EHBP1L1: variants seen among roughly 807,000 people sequenced by gnomAD.
EHBP1L1 encodes the protein EH domain-binding protein 1-like protein 1.
A neutral mutation model predicts 151.1 loss-of-function variants in EHBP1L1; 122 were observed. That is an observed-to-expected ratio of 0.81 (90% CI 0.70 to 0.94). The LOEUF is 0.94. Ranked by LOEUF, EHBP1L1 falls within the 40% of genes least tolerant of loss-of-function variation. EHBP1L1 has a pLI of 0.00. For synonymous variants in EHBP1L1, 878 were observed against 810.1 expected, an observed-to-expected ratio of 1.08 and a Z score of -1.42; for missense variants, 1,941 against 1,959.8, an observed-to-expected ratio of 0.99 and a Z score of 0.18.
chr11:65,590,541 T>C lies in EHBP1L1; in HGVS notation c.4232T>C (p.Leu1411Pro). ...EEVLIQEWFT[L>P]VNKKNALIRR... ...GTGCTGATCCAGGAGTGGTTCACCC[T>C]GGTCAACAAGAAGAACGCTCTCATC... The change falls in exon 16 of 19, where the codon CTG (leucine) becomes CCG (proline). Residue 1411 changes from leucine (L) to proline (P), a missense_variant. Transcript: ENST00000309295. The C allele has an allele frequency of 6.2e-7, 1 of 1,613,688 alleles. No individual in the cohort carries two copies. Among genetic ancestry groups the C allele is most frequent in the South Asian group, 1.1e-5 (1 of 91,062 alleles).
In EHBP1L1 at chr11:65,579,062, C is replaced by T. The variant is rs1415493183; in HGVS notation, c.105-16C>T. On this transcript the variant is annotated splice_polypyrimidine_tract_variant and intron_variant, in intron 1 of 18. Transcript: ENST00000309295. ...GCAGCCTGCTCCCTTTCTCCCTCCCCTTCCCCCTCCCCCAGGCAGCCAGAT... is the reference window on the plus strand; with the variant it reads ...GCAGCCTGCTCCCTTTCTCCCTCCCTTTCCCCCTCCCCCAGGCAGCCAGAT... The T allele has an allele frequency of 2.5e-6, 4 of 1,572,934 alleles. No homozygotes were observed. Among genetic ancestry groups the T allele is most frequent in the Admixed American group, 3.7e-5 (2 of 54,766 alleles).
Position 65,581,941 on chromosome 11 carries a change from A to G in EHBP1L1, c.1269A>G (p.Gln423=), listed in dbSNP as rs998227406. ...CTGAAGAGAGTTCAGCAGTTTGTCA[A>G]GTGGATGCTGAGCAGAGGTCAAAGG... ...GEAEESSAVC[Q]VDAEQRSKVR... is the part of the protein sequence containing the mutation. The change falls in exon 9 of 19, where the codon CAA becomes CAG. Residue 423 remains glutamine (Q), a synonymous_variant. Coordinates refer to ENST00000309295, the MANE Select transcript of EHBP1L1 (RefSeq NM_001099409.3). 1.1e-5 allele frequency: 18 copies of G among 1,613,694 alleles called. No individual in the cohort carries two copies. The highest frequency in any genetic ancestry group is 3.3e-5 in the Admixed American group (2 of 59,988).
Position 65,581,554 on chromosome 11 carries a change from A to C in EHBP1L1, c.882A>C (p.Pro294=). 1 of 1,497,162 alleles carries C rather than the reference A, an allele frequency of 6.7e-7. No homozygotes were observed. Among genetic ancestry groups the C allele is most frequent in the Non-Finnish European group, 8.9e-7 (1 of 1,125,336 alleles). 92.7% of individuals were successfully genotyped at this position (1,497,162 alleles called of 1,614,324 possible). The stretch of plus-strand genomic sequence containing the variant: ...CTCTTCTCAGGTCTTCAAGGCAGCC[A>C]GCCCAGGACACGGCCCCCACCCCAG... The part of the protein sequence containing the change: ...TSPEMRSSRQ[P]AQDTAPTPAP... The change falls in exon 9 of 19, where the codon CCA becomes CCC. Residue 294 remains proline, a synonymous_variant. Coordinates refer to ENST00000309295, the MANE Select transcript of EHBP1L1 (RefSeq NM_001099409.3).
rs1212603365 is a variant in EHBP1L1 at position 65,585,028 on chromosome 11, G to T, written c.3370G>T (p.Val1124Leu). The T allele has an allele frequency of 6.5e-7, 1 of 1,536,924 alleles. No homozygotes were observed. The highest frequency in any genetic ancestry group is 8.7e-7 in the Non-Finnish European group (1 of 1,147,754). ...GCCCGCGGACATGGTGCTACTGTCGGTGCCCGACAAGCTCATCGTCATGAC... is the reference window on the plus strand; with the variant it reads ...GCCCGCGGACATGGTGCTACTGTCGTTGCCCGACAAGCTCATCGTCATGAC... ...LEPADMVLLS[V>L]PDKLIVMTYL... Residue 1124 changes from valine to leucine, a missense_variant, in exon 12 of 19, where the codon GTG (valine) becomes TTG (leucine). Physicochemically the swap from Val to Leu is conservative, Grantham distance 32 (BLOSUM62 1). Transcript: ENST00000309295. The surrounding 1 kb of genome is among the most constrained non-coding windows in gnomAD (Gnocchi z 4.0).
chr11:65,589,722 C>A (rs1416306139), intron 12 of EHBP1L1, 29 bp from the exon 13 acceptor site: 25 of 1,512,384 alleles, frequency 1.7e-5, no homozygotes, highest in Non-Finnish European at 2.2e-5. Flanking sequence ...GAAACCCCTC[C>A]CAGCCCTCAC....
At chr11:65,592,127 T>G (rs1565136073) in intron 18 of EHBP1L1, 37 bp downstream of exon 18, 9 of 1,610,786 alleles carry the variant, frequency 5.6e-6, no homozygotes, top group Non-Finnish European at 7.6e-6. Context: ...GTTGGGAGGG[T>G]CCGGGACTTG....
At chr11:65,579,506 C>G in intron 3 of EHBP1L1, 70 bp downstream of exon 3, 1 of 1,267,072 alleles carries the variant, frequency 7.9e-7, no homozygotes, top group East Asian at 2.7e-5. Context: ...CAACACAGGT[C>G]TCCTGGTAGG....
At chr11:65,583,942 A>T in intron 9 of EHBP1L1, 177 bp downstream of exon 9, 4 of 1,413,292 alleles carry the variant, frequency 2.8e-6, no homozygotes, top group Non-Finnish European at 3.7e-6. Context: ...CTCTTACCCC[A>T]TCTTCCCTGG....
intron 12 of EHBP1L1, among the ~76,000 whole-genome samples, chr11:65,587,096 C>T (rs551241868): frequency 2.6e-5 from 4 of 152,122 alleles, no homozygotes; most frequent in African/African-American, 7.2e-5. Context: ...AATTTGAGGC[C>T]GGGCACCGTG....
chr11:65,581,035 C>T (rs1239553709), intron 6 of EHBP1L1, 23 bp from the exon 7 acceptor site: 3 of 1,585,398 alleles, frequency 1.9e-6, no homozygotes, highest in Admixed American at 1.8e-5. Flanking sequence ...CTCTGCCCTT[C>T]TCCCCTCTCC....
rs1219801226 is a variant in EHBP1L1, at chr11:65,582,617, G to A, written c.1945G>A (p.Glu649Lys). 12 of 1,613,134 alleles carry A rather than the reference G, an allele frequency of 7.4e-6. No homozygotes were observed. Among genetic ancestry groups the A allele is most frequent in the Non-Finnish European group, 8.5e-7 (1 of 1,179,778 alleles). Residue 649 changes from glutamate (E) to lysine (K), a missense_variant, in exon 9 of 19, where the codon GAG (glutamate) becomes AAG (lysine). Physicochemically the swap from Glu to Lys is moderately conservative, Grantham distance 56. Coordinates refer to ENST00000309295, the MANE Select transcript of EHBP1L1 (RefSeq NM_001099409.3). Reference sequence around the variant, plus strand: ...CATAGAGACCCCAGGGACAGAGACTGAGGTATTGGGGACCCAGAAAACAGA... The same window carrying A: ...CATAGAGACCCCAGGGACAGAGACTAAGGTATTGGGGACCCAGAAAACAGA... ...GVIETPGTET[E>K]VLGTQKTEAG...
Position 65,581,102 on chromosome 11 carries a change from G to C in EHBP1L1, c.679G>C (p.Gly227Arg), listed in dbSNP as rs1369818702. ...GACGCTTTGTGAGGAGGAGGAGGAA[G>C]GCCAAGGACGACCCCAGCAGGCAGG... ...LKTLCEEEEE[G>R]QGRPQQAVAS... is the part of the protein sequence containing the mutation. Residue 227 changes from glycine to arginine, a missense_variant, in exon 7 of 19, where the codon GGC (glycine) becomes CGC (arginine). Coordinates refer to ENST00000309295, the MANE Select transcript of EHBP1L1 (RefSeq NM_001099409.3). The C allele has an allele frequency of 6.2e-7, 1 of 1,612,906 alleles. No individual in the cohort carries two copies. Among genetic ancestry groups the C allele is most frequent in the East Asian group, 2.2e-5 (1 of 44,874 alleles).
rs1179702513 is a variant in EHBP1L1, at chr11:65,582,114, C to A, written c.1442C>A (p.Pro481His). The change falls in exon 9 of 19, where the codon CCC becomes CAC. Residue 481 changes from proline (P) to histidine (H), a missense_variant. Pro to His is a moderately conservative substitution (Grantham distance 77). Coordinates refer to ENST00000309295, the MANE Select transcript of EHBP1L1 (RefSeq NM_001099409.3). ...GAGGCTCCCTCAGGCCTGAGCCTGC[C>A]CCCAGCGGAGCCTGCAGGGCACTCT... is the stretch of plus-strand genomic sequence containing the variant. Reference protein sequence around the residue: ...RDEAPSGLSLPPAEPAGHSGQ... With the variant: ...RDEAPSGLSLHPAEPAGHSGQ... The A allele has an allele frequency of 1.2e-6, 2 of 1,600,684 alleles. No individual in the cohort carries two copies. The highest frequency in any genetic ancestry group is 1.7e-5 in the Admixed American group (1 of 58,314).
rs186149200 is a variant in EHBP1L1 at position 65,590,693 on chromosome 11, C to T, written c.4283+101C>T. 5.9e-4 allele frequency: 613 copies of T among 1,040,740 alleles called. 2 individuals carry two copies. The African/African-American group carries it at 6.2e-3, about 10-fold the overall frequency. The allele number at this position is 1,040,740 out of a possible 1,614,324, so 64.5% of individuals were successfully genotyped here. On this transcript the variant is annotated intron_variant, in intron 16 of 18. Transcript: ENST00000309295. Reference sequence around the variant, plus strand: ...TTCCTACAGAGATCTTTTTGACAAACGATTCCTCTTCCATCTTACTGTTTT... The same window carrying T: ...TTCCTACAGAGATCTTTTTGACAAATGATTCCTCTTCCATCTTACTGTTTT...
chr11:65,576,516 A>C (rs922657670), intron 1 of EHBP1L1, 110 bp downstream of exon 1: 4 of 951,756 alleles, frequency 4.2e-6, no homozygotes, highest in Non-Finnish European at 6.1e-6. Flanking sequence ...ATGGGCCCCC[A>C]CCCCAGCTTG....
chr11:65,580,480 G>A lies in EHBP1L1; in HGVS notation c.634+1G>A, dbSNP rs1282221788. ...GCCCGGGCTCGAGTCCCCCAGCCAG[G>A]TGGGCTCACAGCCTGCTGTGGATCG... On this transcript the variant is annotated splice_donor_variant, in intron 6 of 18. Coordinates refer to ENST00000309295, the MANE Select transcript of EHBP1L1 (RefSeq NM_001099409.3). LOFTEE classifies it high-confidence loss of function. 6.2e-7 allele frequency: 1 copy of A among 1,611,134 alleles called. No homozygotes were observed. The highest frequency in any genetic ancestry group is 8.5e-7 in the Non-Finnish European group (1 of 1,179,666).
chr11:65,587,371 C>CAA (rs113665152), intron 12 of EHBP1L1, among the ~76,000 whole-genome samples: 6 of 99,438 alleles, frequency 6.0e-5, no homozygotes, highest in South Asian at 6.4e-4. Context: ...GACTCCGTCT[C>CAA]AAAAAAAAAA....
chr11:65,584,170 T>G (rs763033872), intron 9 of EHBP1L1, 71 bp from the exon 10 acceptor site: 5 of 1,560,342 alleles, frequency 3.2e-6, no homozygotes, highest in Non-Finnish European at 4.3e-6. Flanking sequence ...GTGCCAGGCA[T>G]GAGCTTCCCC....
In EHBP1L1 at chr11:65,592,110, G is replaced by A; in HGVS notation, c.4472+20G>A. ...GCGGATGTGAGTGGCGCTGGGCGGCGCTGGGAGTTGGGAGGGTCCGGGACT... is the reference window on the plus strand; with the variant it reads ...GCGGATGTGAGTGGCGCTGGGCGGCACTGGGAGTTGGGAGGGTCCGGGACT... On this transcript the variant is annotated intron_variant, in intron 18 of 18. Coordinates refer to ENST00000309295, the MANE Select transcript of EHBP1L1 (RefSeq NM_001099409.3). 6.2e-7 allele frequency: 1 copy of A among 1,612,062 alleles called. No homozygotes were observed. The highest frequency in any genetic ancestry group is 8.5e-7 in the Non-Finnish European group (1 of 1,178,950).
Sources: gnomAD v4.1 joint callset for allele counts (sites outside exome capture counted in the v4.1 genomes callset) on GRCh38, gnomAD v4.1.1 for gene constraint, Gnocchi (gnomAD v3.1) non-coding constraint, MANE v1.5 for transcripts, NCBI Gene and HGNC (gene_info 2026-07-23, HGNC 2026-07-21) for gene names.